The following SFMBT2 variants were observed in gnomAD, a reference collection of about 807,000 sequenced individuals.
SFMBT2 encodes Scm like with four mbt domains 2, also known as scm-like with four MBT domains protein 2.
SFMBT2 carries 38 observed loss-of-function variants against 110.1 expected under a neutral mutation model. The observed-to-expected ratio is 0.35, with a 90% confidence interval of 0.27 to 0.45. The LOEUF (loss-of-function observed/expected upper bound fraction) is 0.45, where lower values mean the gene tolerates loss of function less well. SFMBT2 is among the 20% of genes least tolerant of loss of function. The pLI is 1.00. For synonymous variants in SFMBT2, 425 were observed against 425.4 expected (o/e 1.00, Z 0.01); for missense variants, 1,011 against 1,094.9 (o/e 0.92, Z 1.08).
chr10:7,312,154 C>G (rs2131905117), intron 4 of SFMBT2, among the ~76,000 whole-genome samples: 1 of 152,152 alleles, frequency 6.6e-6, no homozygotes, highest in Non-Finnish European at 1.5e-5. Flanking sequence ...TGCAGCACAC[C>G]AGCATGGCAC....
chr10:7,325,527 T>C (rs1843355675), intron 4 of SFMBT2, among the ~76,000 whole-genome samples: 1 of 152,166 alleles, frequency 6.6e-6, no homozygotes, highest in Non-Finnish European at 1.5e-5. Context: ...TTCTTCTAAA[T>C]ACATATTCAG....
intron 15 of SFMBT2, among the ~76,000 whole-genome samples, chr10:7,189,483 G>A (rs534393067): frequency 4.7e-4 from 71 of 152,300 alleles, no homozygotes; most frequent in Non-Finnish European, 8.7e-4. Context: ...AAAGGGACAA[G>A]GACCTCAGAC....
intron 4 of SFMBT2, chr10:7,320,552 G>A: frequency 1.0e-6 from 1 of 971,250 alleles, no homozygotes. Context: ...ACTATAGGAA[G>A]TAAGATCAAC....
At chr10:7,308,855 C>CA (rs1363832461) in intron 4 of SFMBT2, among the ~76,000 whole-genome samples, 1 of 152,156 alleles carries the variant, frequency 6.6e-6, no homozygotes, top group African/African-American at 2.4e-5. Flanking sequence ...ACTGATTCTG[C>CA]AACACATAAC....
At chr10:7,358,555 A>T (rs1844601954) in intron 4 of SFMBT2, among the ~76,000 whole-genome samples, 1 of 150,576 alleles carries the variant, frequency 6.6e-6, no homozygotes, top group African/African-American at 2.5e-5. Flanking sequence ...ATGGCCATGG[A>T]AGGGAGGCAT....
chr10:7,258,348 T>G (rs1166399682), intron 7 of SFMBT2, among the ~76,000 whole-genome samples: 2 of 152,320 alleles, frequency 1.3e-5, no homozygotes, highest in East Asian at 3.9e-4. Context: ...TTCGGCTTAT[T>G]TGGATATAAA....
At chr10:7,410,492 G>A (rs563401203) in intron 1 of SFMBT2, among the ~76,000 whole-genome samples, 89 of 152,334 alleles carry the variant, frequency 5.8e-4, no homozygotes, top group African/African-American at 2.1e-3. Context: ...CTGCGCCCGG[G>A]GAAGGAGGAC....
chr10:7,363,261 A>G (rs1458309680), intron 4 of SFMBT2, among the ~76,000 whole-genome samples: 1 of 152,148 alleles, frequency 6.6e-6, no homozygotes, highest in Non-Finnish European at 1.5e-5. Flanking sequence ...CCACCATGTA[A>G]GACGTGCCTT....
chr10:7,312,396 C>T (rs1279384696), intron 4 of SFMBT2, among the ~76,000 whole-genome samples: 1 of 152,132 alleles, frequency 6.6e-6, no homozygotes, highest in Non-Finnish European at 1.5e-5. Context: ...GACCATTATC[C>T]ACATCTTCAC....
At chr10:7,393,324 C>T (rs1332512563) in intron 1 of SFMBT2, among the ~76,000 whole-genome samples, 1 of 152,040 alleles carries the variant, frequency 6.6e-6, no homozygotes, top group Non-Finnish European at 1.5e-5. Flanking sequence ...AGTCACCATG[C>T]CCGGCCTCAT....
chr10:7,310,304 C>T (rs1015588744), intron 4 of SFMBT2, among the ~76,000 whole-genome samples: 1 of 152,198 alleles, frequency 6.6e-6, no homozygotes, highest in East Asian at 1.9e-4. Context: ...GGTGCAAAAC[C>T]GGGCATGAAT....
chr10:7,200,005 G>C (rs1465222308), intron 14 of SFMBT2, among the ~76,000 whole-genome samples: 2 of 152,164 alleles, frequency 1.3e-5, no homozygotes, highest in African/African-American at 2.4e-5. Flanking sequence ...CAATTCAAAA[G>C]CTCGGGGCGA....
intron 4 of SFMBT2, chr10:7,287,208 T>C (rs1321839486): frequency 6.7e-6 from 1 of 150,368 alleles, no homozygotes; most frequent in Non-Finnish European, 1.5e-5. Context: ...GCCTCCCGAG[T>C]AGCTGGGACT....
intron 4 of SFMBT2, among the ~76,000 whole-genome samples, chr10:7,322,431 G>T (rs1199896361): frequency 6.6e-6 from 1 of 152,150 alleles, no homozygotes; most frequent in Non-Finnish European, 1.5e-5. Context: ...GATCCTGTTT[G>T]TACTCACACC....
At chr10:7,302,743 C>T (rs1842587521) in intron 4 of SFMBT2, among the ~76,000 whole-genome samples, 1 of 152,162 alleles carries the variant, frequency 6.6e-6, no homozygotes, top group Non-Finnish European at 1.5e-5. Flanking sequence ...CCTTTCCCTC[C>T]TCAGTTTAGG....
intron 1 of SFMBT2, among the ~76,000 whole-genome samples, chr10:7,390,840 C>T (rs529970866): frequency 1.7e-4 from 26 of 152,316 alleles, no homozygotes; most frequent in Middle Eastern, 3.4e-3. Flanking sequence ...TGGCTCATGC[C>T]GGTAATCCCA....
intron 12 of SFMBT2, 112 bp from the exon 13 acceptor site, chr10:7,202,634 AT>A: frequency 6.4e-7 from 1 of 1,574,520 alleles, no homozygotes; most frequent in East Asian, 2.4e-5. Context: ...AGCAATTTAA[AT>A]GCTGAAAAGT....
At chr10:7,286,023 T>C in intron 4 of SFMBT2, 69 bp from the exon 5 acceptor site, 1 of 765,188 alleles carries the variant, frequency 1.3e-6, no homozygotes, top group Non-Finnish European at 2.3e-6. Context: ...CAGCAAAGTA[T>C]CCAATCAACT....
At chr10:7,319,300 C>T (rs192931377) in intron 4 of SFMBT2, among the ~76,000 whole-genome samples, 36 of 152,306 alleles carry the variant, frequency 2.4e-4, no homozygotes, top group African/African-American at 8.2e-4. Flanking sequence ...ATTAATTCCC[C>T]GGCGTTCTGC....
Sources: gnomAD v4.1 joint callset for allele counts (sites outside exome capture counted in the v4.1 genomes callset) on GRCh38, gnomAD v4.1.1 for gene constraint, MANE v1.5 for transcripts, NCBI Gene and HGNC (gene_info 2026-07-23, HGNC 2026-07-21) for gene names.